The following FAT3 variants were observed in gnomAD, a reference collection of about 807,000 sequenced individuals.
FAT3 encodes FAT atypical cadherin 3.
FAT3 carries 95 observed loss-of-function variants against 310.2 expected under a neutral mutation model. That is an observed-to-expected ratio of 0.31 (90% CI 0.26 to 0.36). The LOEUF is 0.36. FAT3 is among the 10% of genes least tolerant of loss of function. The pLI, the probability that FAT3 is intolerant of heterozygous loss-of-function variation, is 1.00. For missense variants in FAT3, 5,408 were observed against 5,715.6 expected, an observed-to-expected ratio of 0.95 and a Z score of 1.74; for synonymous variants, 2,314 against 2,192.9, an observed-to-expected ratio of 1.06 and a Z score of -1.54.
intron 3 of FAT3, among the ~76,000 whole-genome samples, chr11:92,537,889 G>A (rs535457017): frequency 6.6e-6 from 1 of 152,272 alleles, no homozygotes; most frequent in African/African-American, 2.4e-5. Flanking sequence ...GCACAATTTT[G>A]TTAAAGAGTG....
chr11:92,819,435 T>C (rs2136231559), intron 13 of FAT3, among the ~76,000 whole-genome samples: 1 of 152,344 alleles, frequency 6.6e-6, no homozygotes, highest in African/African-American at 2.4e-5. Context: ...AGGAACCTCC[T>C]GATAATTTGC....
chr11:92,773,924 CA>C, intron 6 of FAT3, 116 bp from the exon 7 acceptor site: 1 of 1,013,556 alleles, frequency 9.9e-7, no homozygotes, highest in Non-Finnish European at 1.4e-6. Flanking sequence ...AAAATTGAGC[CA>C]TAGGGATGCC....
chr11:92,871,199 G>A (rs549010637), intron 22 of FAT3, among the ~76,000 whole-genome samples: 1 of 152,278 alleles, frequency 6.6e-6, no homozygotes, highest in African/African-American at 2.4e-5. Context: ...AGTGGTATTG[G>A]TTTATATTTT....
chr11:92,543,363 T>C (rs1164392618), intron 3 of FAT3, among the ~76,000 whole-genome samples: 1 of 152,200 alleles, frequency 6.6e-6, no homozygotes, highest in Non-Finnish European at 1.5e-5. Flanking sequence ...AAGGTAAGTA[T>C]ATTATGTGAT....
intron 3 of FAT3, among the ~76,000 whole-genome samples, chr11:92,644,120 G>A (rs543301960): frequency 6.6e-6 from 1 of 152,326 alleles, no homozygotes; most frequent in East Asian, 1.9e-4. Flanking sequence ...GGGGGCCAAG[G>A]TGGCAGCCCC....
intron 3 of FAT3, among the ~76,000 whole-genome samples, chr11:92,563,953 C>T (rs1246895659): frequency 6.6e-5 from 10 of 152,016 alleles, no homozygotes; most frequent in East Asian, 1.9e-4. Flanking sequence ...TAAAGACCAT[C>T]GAGACTAGGA....
At chr11:92,770,018 T>C (rs1946420038) in intron 6 of FAT3, among the ~76,000 whole-genome samples, 1 of 152,228 alleles carries the variant, frequency 6.6e-6, no homozygotes, top group Non-Finnish European at 1.5e-5. Flanking sequence ...TGTATTTCTC[T>C]AGCGAAAGAC....
chr11:92,697,319 T>C lies in FAT3; in HGVS notation c.3608-65T>C. 3 of 1,472,764 alleles carry C rather than the reference T, an allele frequency of 2.0e-6. No homozygotes were observed. The South Asian group carries it at 3.5e-5, about 17-fold the overall frequency. The allele number at this position is 1,472,764 out of a possible 1,614,324, so 91.2% of individuals were successfully genotyped here. On this transcript the variant is annotated intron_variant, in intron 3 of 27. Coordinates refer to ENST00000525166, the MANE Select transcript of FAT3 (RefSeq NM_001367949.2). ...TGCTTTTCCTTTAACTGGACTTGTT[T>C]CCCCACACTCAGTAAGCTGTTTGCC...
rs2136351553 is a variant in FAT3 at position 92,867,088 on chromosome 11, C to T, written c.12006C>T (p.Arg4002=). 2 of 1,596,710 alleles carry T rather than the reference C, an allele frequency of 1.3e-6. No homozygotes were observed. The highest frequency in any genetic ancestry group is 1.7e-4 in the Middle Eastern group (1 of 6,032). The stretch of plus-strand genomic sequence containing the variant: ...ATGAGCTGCCGCTGCAGAACAAGCG[C>T]AGCAGCTTCGCGGAGGTGGTGGGCC... The part of the protein sequence containing the change: ...NNNELPLQNK[R]SSFAEVVGLT... The change falls in exon 22 of 28, where the codon CGC becomes CGT. Residue 4002 remains arginine, a synonymous_variant. Transcript: ENST00000525166.
At chr11:92,311,514 A>C (rs867294044) in intron 1 of FAT3, among the ~76,000 whole-genome samples, 6 of 152,176 alleles carry the variant, frequency 3.9e-5, no homozygotes, top group African/African-American at 1.4e-4. Flanking sequence ...TACGTTATAG[A>C]ATTTGCTCCA....
chr11:92,281,299 A>G (rs935737702), intron 1 of FAT3, among the ~76,000 whole-genome samples: 9 of 152,226 alleles, frequency 5.9e-5, no homozygotes, highest in Non-Finnish European at 1.2e-4. Context: ...GAAGCTCTTT[A>G]GATGATAGGA....
intron 2 of FAT3, among the ~76,000 whole-genome samples, chr11:92,423,043 T>A (rs1266898513): frequency 6.6e-6 from 1 of 152,214 alleles, no homozygotes; most frequent in Non-Finnish European, 1.5e-5. Flanking sequence ...CTATTTGATG[T>A]GTTTACACTA....
At chr11:92,232,725 TG>T (rs1283576845) in intron 1 of FAT3, among the ~76,000 whole-genome samples, 2 of 146,338 alleles carry the variant, frequency 1.4e-5, no homozygotes, top group African/African-American at 5.1e-5. Context: ...AGTGGACGCA[TG>T]GTGTCTTGTA....
chr11:92,761,467 A>G (rs1946149589), intron 4 of FAT3, among the ~76,000 whole-genome samples: 1 of 152,188 alleles, frequency 6.6e-6, no homozygotes, highest in African/African-American at 2.4e-5. Flanking sequence ...CAAGGTCAAC[A>G]TTCCAGCAGG....
intron 2 of FAT3, among the ~76,000 whole-genome samples, chr11:92,398,043 A>G (rs11602429): frequency 0.095 from 14,381 of 152,058 alleles, 828 homozygotes; most frequent in South Asian, 0.16. Flanking sequence ...AGGTGTTGAG[A>G]GGGCCACACC....
At chr11:92,666,439 C>T (rs1411941096) in intron 3 of FAT3, among the ~76,000 whole-genome samples, 1 of 150,430 alleles carries the variant, frequency 6.6e-6, no homozygotes, top group East Asian at 1.9e-4. Flanking sequence ...GCAAGCTCTG[C>T]CTCCCGGGTT....
chr11:92,490,278 A>T (rs533757542), intron 2 of FAT3, among the ~76,000 whole-genome samples: 79 of 152,234 alleles, frequency 5.2e-4, no homozygotes, highest in African/African-American at 1.8e-3. Context: ...TAGGAATGTA[A>T]TTCAAATTTC....
rs547361382 is a variant in FAT3 at position 92,247,689 on chromosome 11, G to A, written c.-18+22515G>A. On this transcript the variant is annotated intron_variant, in intron 1 of 27. Transcript: ENST00000525166. The stretch of plus-strand genomic sequence containing the variant: ...TCTGTATTATGGCTGACTTCTTTGC[G>A]GAAGTCTGCCTATTGTAAGATGTTT... Among the ~76,000 whole-genome samples, 36 of 151,346 alleles carry A rather than the reference G, an allele frequency of 2.4e-4. 1 individual carries two copies. The highest frequency in any genetic ancestry group is 7.8e-4 in the African/African-American group (32 of 41,258).
In FAT3 at chr11:92,891,239, C is replaced by T. The variant is rs1217665700; in HGVS notation, c.*126C>T. ...GAATACTGTATTTTTCCACTAGAAA[C>T]TTCTTCACAAGTCATACTGTCCCAA... is the stretch of plus-strand genomic sequence containing the variant. On this transcript the variant is annotated 3_prime_UTR_variant, in exon 28 of 28. Coordinates refer to ENST00000525166, the MANE Select transcript of FAT3 (RefSeq NM_001367949.2). 2.4e-6 allele frequency: 3 copies of T among 1,267,328 alleles called. No individual in the cohort carries two copies. The highest frequency in any genetic ancestry group is 2.2e-6 in the Non-Finnish European group (2 of 926,954). The allele number at this position is 1,267,328 out of a possible 1,614,324, so 78.5% of individuals were successfully genotyped here. A position where few individuals can be genotyped will look rare whatever the true frequency, so the allele number is the denominator to read the frequency against.
Sources: allele counts gnomAD v4.1 joint callset (sites outside exome capture counted in the v4.1 genomes callset), GRCh38; gene constraint gnomAD v4.1.1; transcripts MANE v1.5; gene names NCBI Gene and HGNC (gene_info 2026-07-23, HGNC 2026-07-21).